Variants in KYAT1 observed in about 807,000 individuals in gnomAD.
KYAT1 encodes the protein kynurenine--oxoglutarate transaminase 1.
Under a neutral mutation model 52.4 loss-of-function variants are expected in KYAT1, and 47 were observed. That is an observed-to-expected ratio of 0.90 (90% CI 0.71 to 1.14). KYAT1 has a LOEUF of 1.14. KYAT1 is among the 50% of genes most tolerant of loss of function. KYAT1 has a pLI of 0.00. For missense variants in KYAT1, 480 were observed against 557.9 expected, an observed-to-expected ratio of 0.86 and a Z score of 1.41; for synonymous variants, 212 against 209.6, an observed-to-expected ratio of 1.01 and a Z score of -0.10.
At position 128,833,202 on chromosome 9, in the gene KYAT1, T is replaced by G; in HGVS notation, c.*382A>C. 1.1e-5 allele frequency: 3 copies of G among 273,322 alleles called. No homozygotes were observed. The allele number at this position is 273,322 out of a possible 1,614,324, so 16.9% of individuals were successfully genotyped here. On this transcript the variant is annotated 3_prime_UTR_variant, in exon 13 of 13. Coordinates refer to ENST00000302586, the MANE Select transcript of KYAT1 (RefSeq NM_004059.5). ...TAAAGGCAACTCCCCAAGGCCAAGA[T>G]GAGCCAGGGAAGGTGAGGTTATACC...
At chr9:128,870,685 TC>T (rs1471036918) in intron 1 of KYAT1, among the ~76,000 whole-genome samples, 1 of 151,944 alleles carries the variant, frequency 6.6e-6, no homozygotes, top group Non-Finnish European at 1.5e-5. Flanking sequence ...ACAAAAAAGG[TC>T]ACATAGCTAT....
chr9:128,850,270 G>A (rs1833774145), intron 1 of KYAT1, among the ~76,000 whole-genome samples: 1 of 152,018 alleles, frequency 6.6e-6, no homozygotes, highest in Non-Finnish European at 1.5e-5. Context: ...GACTGTTACT[G>A]TGTCTATGTA....
intron 1 of KYAT1, among the ~76,000 whole-genome samples, chr9:128,866,807 G>A (rs1189531205): frequency 2.6e-5 from 4 of 151,584 alleles, no homozygotes; most frequent in African/African-American, 9.7e-5. Flanking sequence ...TTGGGAGGCT[G>A]AGGCAGGAGA....
intron 1 of KYAT1, among the ~76,000 whole-genome samples, chr9:128,859,333 C>G (rs1835125158): frequency 6.6e-6 from 1 of 151,288 alleles, no homozygotes; most frequent in South Asian, 2.1e-4. Context: ...TGCACTCCAG[C>G]CTGGGCAACA....
intron 1 of KYAT1, among the ~76,000 whole-genome samples, chr9:128,875,249 T>TTG (rs199526785): frequency 0.045 from 5,477 of 121,702 alleles, 117 homozygotes; most frequent in Middle Eastern, 0.085. Context: ...TTTTTTTTTG[T>TTG]TTTTTTTTTT....
At chr9:128,845,491 T>G (rs906777196) in intron 1 of KYAT1, 80 bp from the exon 2 acceptor site, 19 of 1,347,006 alleles carry the variant, frequency 1.4e-5, no homozygotes, top group Admixed American at 5.2e-5. Flanking sequence ...GAGGGACAGC[T>G]GCTTTCAGGC....
At position 128,835,784 on chromosome 9, in the gene KYAT1, T is replaced by G. The variant is rs1390329286; in HGVS notation, c.850A>C (p.Ser284Arg). Residue 284 changes from serine (S) to arginine (R), a missense_variant, in exon 9 of 13, where the codon AGC (serine) becomes CGC (arginine). Physicochemically the swap from Ser to Arg is moderately radical, Grantham distance 110. Coordinates refer to ENST00000302586, the MANE Select transcript of KYAT1 (RefSeq NM_004059.5). ...QNSVFHCPTQ[S>R]QAAVAESFER... ...GACGTCCTGCCCCTCTTCACCTGGCTCTGCGTGGGGCAGTGGAAGACGGAG... is the reference window on the plus strand; with the variant it reads ...GACGTCCTGCCCCTCTTCACCTGGCGCTGCGTGGGGCAGTGGAAGACGGAG... The G allele has an allele frequency of 1.2e-6, 2 of 1,612,764 alleles. No individual in the cohort carries two copies. Among genetic ancestry groups the G allele is most frequent in the Admixed American group, 3.3e-5 (2 of 59,840 alleles).
intron 3 of KYAT1, chr9:128,842,130 C>G (rs1832300483): frequency 2.8e-6 from 1 of 357,526 alleles, no homozygotes; most frequent in Admixed American, 2.8e-5. Context: ...AGGGTCAAGG[C>G]TGCAGTGGAC....
intron 6 of KYAT1, 34 bp from the exon 7 acceptor site, chr9:128,836,956 C>T (rs751061316): frequency 1.3e-6 from 2 of 1,599,870 alleles, no homozygotes; most frequent in Admixed American, 1.7e-5. Context: ...AGACCTGCAG[C>T]TGGGACCGTC....
At chr9:128,837,924 C>T in intron 5 of KYAT1, 111 bp from the exon 6 acceptor site, 1 of 1,471,864 alleles carries the variant, frequency 6.8e-7, no homozygotes, top group African/African-American at 1.4e-5. Context: ...ACACACCTCC[C>T]CTCTGCCCTC....
chr9:128,855,664 C>A (rs1392836486), intron 1 of KYAT1, among the ~76,000 whole-genome samples: 1 of 152,216 alleles, frequency 6.6e-6, no homozygotes, highest in Non-Finnish European at 1.5e-5. Context: ...ATTGGCAGCA[C>A]CATATTCTGC....
intron 1 of KYAT1, among the ~76,000 whole-genome samples, chr9:128,881,574 C>A (rs151327899): frequency 6.6e-6 from 1 of 152,018 alleles, no homozygotes; most frequent in South Asian, 2.1e-4. Context: ...TATGGAGCTG[C>A]AGAGTTGGAG....
intron 5 of KYAT1, 22 bp downstream of exon 5, chr9:128,838,029 A>G: frequency 6.2e-7 from 1 of 1,611,718 alleles, no homozygotes; most frequent in Non-Finnish European, 8.5e-7. Context: ...CTGCCCATCC[A>G]TCCTCTACCT....
chr9:128,850,293 A>G (rs764935977), intron 1 of KYAT1, among the ~76,000 whole-genome samples: 22 of 152,186 alleles, frequency 1.4e-4, no homozygotes, highest in Non-Finnish European at 2.6e-4. Context: ...AATGGAAGAC[A>G]TAAGAAATTC....
At chr9:128,841,222 T>C (rs1391873282) in intron 3 of KYAT1, among the ~76,000 whole-genome samples, 1 of 150,150 alleles carries the variant, frequency 6.7e-6, no homozygotes, top group Non-Finnish European at 1.5e-5. Flanking sequence ...ATACAAAAAA[T>C]GGCCAGGTGC....
chr9:128,837,993 C>T, intron 5 of KYAT1, 58 bp downstream of exon 5: 1 of 1,572,770 alleles, frequency 6.4e-7, no homozygotes, highest in Non-Finnish European at 8.8e-7. Context: ...TCCCAGGGTC[C>T]AACTCAGCCC....
chr9:128,867,836 G>C (rs568078703), intron 1 of KYAT1, among the ~76,000 whole-genome samples: 5 of 152,206 alleles, frequency 3.3e-5, no homozygotes, highest in Non-Finnish European at 7.4e-5. Context: ...GCAGTGGCGC[G>C]ATCTTGGCTC....
At chr9:128,846,177 C>T (rs563200398) in intron 1 of KYAT1, among the ~76,000 whole-genome samples, 1 of 152,330 alleles carries the variant, frequency 6.6e-6, no homozygotes, top group East Asian at 1.9e-4. Flanking sequence ...GCCTGTAATC[C>T]CAGCACTTTG....
chr9:128,877,645 T>C (rs1190092463), intron 1 of KYAT1, among the ~76,000 whole-genome samples: 2 of 152,206 alleles, frequency 1.3e-5, no homozygotes, highest in Non-Finnish European at 2.9e-5. Context: ...GCATGGCTGC[T>C]TACAAGGGCA....
Sources: gnomAD v4.1 joint callset for allele counts (sites outside exome capture counted in the v4.1 genomes callset) on GRCh38, gnomAD v4.1.1 for gene constraint, MANE v1.5 for transcripts, NCBI Gene and HGNC (gene_info 2026-07-23, HGNC 2026-07-21) for gene names.